Variants in LGR6 observed in about 807,000 individuals in gnomAD.
LGR6 encodes the protein leucine-rich repeat-containing G protein-coupled receptor 6.
Under a neutral mutation model 69.4 loss-of-function variants are expected in LGR6, and 45 were observed. The observed-to-expected ratio is 0.65, with a 90% confidence interval of 0.51 to 0.83. LGR6 has a LOEUF of 0.83. LGR6 is among the 40% of genes least tolerant of loss of function. LGR6 has a pLI of 0.00. For missense variants in LGR6, 1,108 were observed against 1,246.7 expected, an observed-to-expected ratio of 0.89 and a Z score of 1.68; for synonymous variants, 538 against 555.0, an observed-to-expected ratio of 0.97 and a Z score of 0.43.
At chr1:202,205,343 C>CACCTAACACACACT (rs1171508860) in intron 1 of LGR6, among the ~76,000 whole-genome samples, 1 of 2,814 alleles carries the variant, frequency 3.6e-4, no homozygotes, top group Non-Finnish European at 9.2e-4. Flanking sequence ...CCTAACACAC[C>CACCTAACACACACT]TCCTTCAAAC....
chr1:202,215,809 C>T (rs545281065), intron 1 of LGR6, among the ~76,000 whole-genome samples: 1 of 152,328 alleles, frequency 6.6e-6, no homozygotes, highest in East Asian at 1.9e-4. Flanking sequence ...CCCAGCCTGT[C>T]TGGGGAGACC....
chr1:202,219,038 C>T (rs773257075), intron 1 of LGR6, among the ~76,000 whole-genome samples: 11 of 152,190 alleles, frequency 7.2e-5, no homozygotes, highest in African/African-American at 9.6e-5. Flanking sequence ...CAGGGCTGGC[C>T]GGGAACTTAG....
In LGR6 at chr1:202,206,737, T is replaced by G. The variant is rs563053380; in HGVS notation, c.212+12536T>G. On this transcript the variant is annotated intron_variant, in intron 1 of 17. Transcript: ENST00000367278. Reference sequence around the variant, plus strand: ...GCTAATTTTTAAGTTTTTTTAAAATTAAAAAACTTAAAACTTATAATGGGA... The same window carrying G: ...GCTAATTTTTAAGTTTTTTTAAAATGAAAAAACTTAAAACTTATAATGGGA... Among the ~76,000 whole-genome samples the G allele has an allele frequency of 8.5e-5, 13 of 152,140 alleles. No individual in the cohort carries two copies. The East Asian group carries it at 2.3e-3, about 27-fold the overall frequency.
At chr1:202,241,844 A>G (rs189841598) in intron 4 of LGR6, among the ~76,000 whole-genome samples, 1 of 152,116 alleles carries the variant, frequency 6.6e-6, no homozygotes, top group Non-Finnish European at 1.5e-5. Flanking sequence ...CTAGGGGGGA[A>G]ATGCATAATG....
intron 1 of LGR6, chr1:202,203,711 C>T: frequency 1.7e-6 from 2 of 1,154,596 alleles, no homozygotes; most frequent in South Asian, 1.3e-5. Flanking sequence ...CCAGATACTG[C>T]GTAGCAGGCG....
chr1:202,307,184 G>T, intron 13 of LGR6, 146 bp from the exon 14 acceptor site: 1 of 801,052 alleles, frequency 1.2e-6, no homozygotes, highest in Non-Finnish European at 2.1e-6. Context: ...CAGGAGCTGG[G>T]CAGCAGCAGG....
chr1:202,215,020 T>TGTGTGCGC (rs144255206), intron 1 of LGR6, among the ~76,000 whole-genome samples: 30 of 135,920 alleles, frequency 2.2e-4, no homozygotes, highest in Non-Finnish European at 2.8e-4. Flanking sequence ...TGTGTGTGTG[T>TGTGTGCGC]GCGCGCGCGC....
chr1:202,243,503 A>T (rs1262603675), intron 4 of LGR6, among the ~76,000 whole-genome samples: 1 of 152,188 alleles, frequency 6.6e-6, no homozygotes, highest in African/African-American at 2.4e-5. Context: ...GGAGCTTTTC[A>T]CCAGAAATGG....
intron 6 of LGR6, among the ~76,000 whole-genome samples, chr1:202,282,304 G>A (rs768613445): frequency 2.0e-5 from 3 of 152,176 alleles, no homozygotes; most frequent in African/African-American, 7.2e-5. Flanking sequence ...ATTGATGTCC[G>A]GGGAGGTGTC....
At chr1:202,270,470 G>A (rs776004260) in intron 4 of LGR6, among the ~76,000 whole-genome samples, 9 of 152,126 alleles carry the variant, frequency 5.9e-5, no homozygotes, top group Admixed American at 1.3e-4. Context: ...TTGAACTCCC[G>A]AACTCAGGTG....
At chr1:202,289,367 C>A (rs1367286799) in intron 6 of LGR6, among the ~76,000 whole-genome samples, 1 of 152,178 alleles carries the variant, frequency 6.6e-6, no homozygotes, top group East Asian at 1.9e-4. Context: ...TCTTTGGGGG[C>A]AGGTTGGACT....
chr1:202,317,387 C>A (rs2148324039), intron 17 of LGR6, among the ~76,000 whole-genome samples: 1 of 151,790 alleles, frequency 6.6e-6, no homozygotes, highest in African/African-American at 2.4e-5. Context: ...CTCTGTTGCC[C>A]AGGCTGGAGT....
At chr1:202,198,430 A>G (rs1658717022) in intron 1 of LGR6, among the ~76,000 whole-genome samples, 1 of 152,210 alleles carries the variant, frequency 6.6e-6, no homozygotes, top group East Asian at 1.9e-4. Context: ...TGTCTGGTCC[A>G]TGGGAAGAGC....
chr1:202,298,568 C>T (rs1346857915), intron 7 of LGR6: 2 of 149,370 alleles, frequency 1.3e-5, no homozygotes, highest in African/African-American at 4.9e-5. Context: ...TGTCGCCATG[C>T]TGGAGTGCAG....
chr1:202,280,695 C>T, intron 5 of LGR6, 86 bp from the exon 6 acceptor site: 2 of 1,200,036 alleles, frequency 1.7e-6, no homozygotes, highest in Non-Finnish European at 1.2e-6. Flanking sequence ...TCTGCCTACA[C>T]TTTCCCCATG....
chr1:202,303,733 C>A (rs1365172964), intron 10 of LGR6, among the ~76,000 whole-genome samples: 1 of 152,202 alleles, frequency 6.6e-6, no homozygotes, highest in East Asian at 1.9e-4. Flanking sequence ...TTATTATCTC[C>A]TGTGGCATAG....
chr1:202,306,727 G>A (rs939430816), intron 12 of LGR6, 141 bp from the exon 13 acceptor site: 5 of 778,502 alleles, frequency 6.4e-6, no homozygotes, highest in South Asian at 4.4e-5. Context: ...TTTAATTCTG[G>A]TGACTTCCTC....
chr1:202,224,902 G>A (rs1421909914), intron 1 of LGR6, among the ~76,000 whole-genome samples: 2 of 152,174 alleles, frequency 1.3e-5, no homozygotes, highest in African/African-American at 4.8e-5. Context: ...ATCAGAGGTT[G>A]GTCCCCCAAG....
At chr1:202,245,172 C>T (rs921049545) in intron 4 of LGR6, among the ~76,000 whole-genome samples, 6 of 152,342 alleles carry the variant, frequency 3.9e-5, no homozygotes, top group African/African-American at 7.2e-5. Flanking sequence ...CAGGGACGCA[C>T]GAGGTGGCAG....
Sources: gnomAD v4.1 joint callset for allele counts (sites outside exome capture counted in the v4.1 genomes callset) on GRCh38, gnomAD v4.1.1 for gene constraint, MANE v1.5 for transcripts, NCBI Gene and HGNC (gene_info 2026-07-23, HGNC 2026-07-21) for gene names.